The following KCNMA1 variants were observed in gnomAD, a reference collection of about 807,000 sequenced individuals.
KCNMA1 encodes potassium calcium-activated channel subfamily M alpha 1, also known as Calcium-activated potassium channel subunit alpha-1.
Under a neutral mutation model 140.0 loss-of-function variants are expected in KCNMA1, and 29 were observed. That is an observed-to-expected ratio of 0.21 (90% CI 0.15 to 0.28). The LOEUF (loss-of-function observed/expected upper bound fraction) is 0.28, where lower values mean the gene tolerates loss of function less well. Among genes scored for constraint, KCNMA1 ranks in the 10% least tolerant of loss-of-function variants. The pLI, the probability that KCNMA1 is intolerant of heterozygous loss-of-function variation, is 1.00. For missense variants in KCNMA1, 880 were observed against 1,602.2 expected (o/e 0.55, Z 7.70); for synonymous variants, 612 against 611.9 (o/e 1.00, Z 0.00).
At chr10:77,098,371 T>C (rs1463094558) in intron 9 of KCNMA1, among the ~76,000 whole-genome samples, 1 of 152,130 alleles carries the variant, frequency 6.6e-6, no homozygotes, top group East Asian at 1.9e-4. Flanking sequence ...TCTGCCCAAG[T>C]GAGGCCAATG....
At chr10:76,937,557 G>A (rs1308343653) in intron 23 of KCNMA1, among the ~76,000 whole-genome samples, 1 of 152,212 alleles carries the variant, frequency 6.6e-6, no homozygotes. Flanking sequence ...TCATCCCAGA[G>A]TTCCACTTTA....
At chr10:76,941,421 C>T (rs1478073407) in intron 23 of KCNMA1, among the ~76,000 whole-genome samples, 6 of 152,120 alleles carry the variant, frequency 3.9e-5, no homozygotes, top group African/African-American at 1.2e-4. Flanking sequence ...GGGAGGAGCC[C>T]AAGGAGTGGA....
chr10:77,349,710 A>T (rs1044410859), intron 2 of KCNMA1, among the ~76,000 whole-genome samples: 1 of 152,178 alleles, frequency 6.6e-6, no homozygotes, highest in Non-Finnish European at 1.5e-5. Flanking sequence ...CTTTGATTTC[A>T]AGGTTAGAAT....
At chr10:77,256,509 C>G (rs2060792087) in intron 2 of KCNMA1, among the ~76,000 whole-genome samples, 1 of 152,170 alleles carries the variant, frequency 6.6e-6, no homozygotes, top group African/African-American at 2.4e-5. Flanking sequence ...CCACTTAGCT[C>G]AAGTCAGAGA....
intron 5 of KCNMA1, among the ~76,000 whole-genome samples, chr10:77,152,673 G>A (rs1000219955): frequency 7.9e-5 from 12 of 152,264 alleles, no homozygotes; most frequent in South Asian, 2.1e-4. Flanking sequence ...TAGCACTTAC[G>A]ACCTGTAGAC....
At chr10:77,260,442 C>T (rs1404218955) in intron 2 of KCNMA1, among the ~76,000 whole-genome samples, 1 of 152,180 alleles carries the variant, frequency 6.6e-6, no homozygotes, top group East Asian at 1.9e-4. Flanking sequence ...GGCATGGTGG[C>T]TCATGTCTGT....
intron 3 of KCNMA1, among the ~76,000 whole-genome samples, chr10:77,203,511 C>T (rs1403444131): frequency 6.6e-6 from 1 of 152,046 alleles, no homozygotes; most frequent in East Asian, 1.9e-4. Context: ...TTGTGGCGCT[C>T]ATCACTCATG....
At chr10:77,567,921 G>A (rs1054007858) in intron 1 of KCNMA1, among the ~76,000 whole-genome samples, 10 of 152,206 alleles carry the variant, frequency 6.6e-5, no homozygotes, top group African/African-American at 2.4e-4. Flanking sequence ...GTGAAACCCT[G>A]TCTCTACAAA....
chr10:77,420,408 G>A (rs913948277), intron 1 of KCNMA1, among the ~76,000 whole-genome samples: 1 of 152,218 alleles, frequency 6.6e-6, no homozygotes, highest in Non-Finnish European at 1.5e-5. Flanking sequence ...AAGCCTAAAC[G>A]CTGCCTCTGC....
intron 1 of KCNMA1, among the ~76,000 whole-genome samples, chr10:77,413,036 T>G (rs2096653522): frequency 6.6e-6 from 1 of 152,102 alleles, no homozygotes; most frequent in South Asian, 2.1e-4. Flanking sequence ...TTTTGTATTT[T>G]TAGTACAGAC....
chr10:76,955,326 A>G (rs2067827146), intron 20 of KCNMA1, among the ~76,000 whole-genome samples: 1 of 151,886 alleles, frequency 6.6e-6, no homozygotes, highest in Non-Finnish European at 1.5e-5. Context: ...TGGGACAGCA[A>G]TCTCTTCCAT....
At chr10:77,532,132 G>A (rs193196227) in intron 1 of KCNMA1, among the ~76,000 whole-genome samples, 16 of 152,292 alleles carry the variant, frequency 1.1e-4, no homozygotes, top group African/African-American at 2.9e-4. Flanking sequence ...AATCTCCTAC[G>A]AGAAGCAGCA....
At chr10:77,488,602 G>A (rs765972910) in intron 1 of KCNMA1, among the ~76,000 whole-genome samples, 2 of 152,128 alleles carry the variant, frequency 1.3e-5, no homozygotes, top group African/African-American at 4.8e-5. Context: ...CAGCTCTGTG[G>A]GTGCACAGCC....
chr10:77,268,119 G>C (rs762691265), intron 2 of KCNMA1, among the ~76,000 whole-genome samples: 2 of 152,156 alleles, frequency 1.3e-5, no homozygotes, highest in Non-Finnish European at 2.9e-5. Context: ...AGTTGCACTT[G>C]GGTCCTTGGA....
chr10:77,305,413 G>T (rs540267037), intron 2 of KCNMA1, among the ~76,000 whole-genome samples: 1 of 152,140 alleles, frequency 6.6e-6, no homozygotes, highest in African/African-American at 2.4e-5. Flanking sequence ...AAGAAACGAA[G>T]GTTGAAAAAA....
chr10:77,461,709 T>C (rs2097871439), intron 1 of KCNMA1, among the ~76,000 whole-genome samples: 1 of 152,200 alleles, frequency 6.6e-6, no homozygotes, highest in Non-Finnish European at 1.5e-5. Context: ...TCTGGCTCAC[T>C]TCTGAGTCTG....
chr10:77,170,724 G>A (rs2098696927), intron 5 of KCNMA1, among the ~76,000 whole-genome samples: 1 of 152,178 alleles, frequency 6.6e-6, no homozygotes, highest in Non-Finnish European at 1.5e-5. Context: ...AGAGAGTTTA[G>A]GAAGCGATAT....
intron 18 of KCNMA1, among the ~76,000 whole-genome samples, chr10:77,006,380 C>T (rs2153431011): frequency 6.6e-6 from 1 of 152,266 alleles, no homozygotes; most frequent in African/African-American, 2.4e-5. Flanking sequence ...GGATTATTTC[C>T]AAGCAAGAAA....
chr10:77,317,618 G>T (rs1291725363), intron 2 of KCNMA1, among the ~76,000 whole-genome samples: 4 of 152,210 alleles, frequency 2.6e-5, no homozygotes, highest in Non-Finnish European at 5.9e-5. Context: ...AAGATGCGAA[G>T]CCCATTTTCA....
Sources: allele counts gnomAD v4.1 joint callset (sites outside exome capture counted in the v4.1 genomes callset), GRCh38; gene constraint gnomAD v4.1.1; transcripts MANE v1.5; gene names NCBI Gene and HGNC (gene_info 2026-07-23, HGNC 2026-07-21).